GNAQ: variants seen among roughly 807,000 people sequenced by gnomAD.
GNAQ encodes guanine nucleotide-binding protein G(q) subunit alpha.
In GNAQ, 8 loss-of-function variants were observed where a neutral mutation model predicts 43.9. The observed-to-expected ratio is 0.18, with a 90% CI of 0.11 to 0.33. The LOEUF (loss-of-function observed/expected upper bound fraction) is 0.33. Ranked by LOEUF, GNAQ falls within the 10% of genes least tolerant of loss-of-function variation. GNAQ has a pLI of 1.00. For synonymous variants in GNAQ, 155 were observed against 170.7 expected, an observed-to-expected ratio of 0.91 and a Z score of 0.71; for missense variants, 158 against 450.8, an observed-to-expected ratio of 0.35 and a Z score of 5.88.
At chr9:77,926,013 TG>T (rs1301325219) in intron 1 of GNAQ, among the ~76,000 whole-genome samples, 1 of 152,226 alleles carries the variant, frequency 6.6e-6, no homozygotes, top group Non-Finnish European at 1.5e-5. Flanking sequence ...ACTGTTGTAT[TG>T]TTTTTATGGC....
intron 2 of GNAQ, among the ~76,000 whole-genome samples, chr9:77,897,299 T>C (rs893934037): frequency 1.6e-4 from 24 of 152,220 alleles, no homozygotes; most frequent in African/African-American, 5.8e-4. Context: ...GAATGTTTTG[T>C]AATAATAATG....
intron 5 of GNAQ, among the ~76,000 whole-genome samples, chr9:77,732,500 G>A (rs1825510472): frequency 2.0e-5 from 3 of 151,956 alleles, no homozygotes; most frequent in Non-Finnish European, 2.9e-5. Context: ...CTAGTGGCTG[G>A]GACTACAGGT....
At chr9:77,789,113 G>C (rs1239111185) in intron 5 of GNAQ, among the ~76,000 whole-genome samples, 1 of 152,128 alleles carries the variant, frequency 6.6e-6, no homozygotes, top group African/African-American at 2.4e-5. Flanking sequence ...CAATTGTATG[G>C]TTCTTATTTT....
At chr9:77,887,580 T>C (rs1002538632) in intron 2 of GNAQ, among the ~76,000 whole-genome samples, 5 of 152,346 alleles carry the variant, frequency 3.3e-5, no homozygotes, top group African/African-American at 1.2e-4. Flanking sequence ...CCAGATAAAC[T>C]GTGGGCATTT....
At chr9:77,957,809 A>G (rs752867486) in intron 1 of GNAQ, among the ~76,000 whole-genome samples, 7 of 152,178 alleles carry the variant, frequency 4.6e-5, no homozygotes, top group Non-Finnish European at 8.8e-5. Context: ...AAGTCTAGTC[A>G]GAAAGGGAGA....
intron 1 of GNAQ, among the ~76,000 whole-genome samples, chr9:77,940,950 C>A (rs527514122): frequency 6.7e-6 from 1 of 149,562 alleles, no homozygotes; most frequent in Non-Finnish European, 1.5e-5. Flanking sequence ...GGCGACAGAG[C>A]GAGACTCCGT....
intron 2 of GNAQ, among the ~76,000 whole-genome samples, chr9:77,853,584 G>A (rs1240574299): frequency 6.6e-6 from 1 of 151,938 alleles, no homozygotes; most frequent in East Asian, 1.9e-4. Flanking sequence ...TATCAGTAGA[G>A]GCTCAGTGAT....
At chr9:77,838,806 T>TAA (rs1246428625) in intron 2 of GNAQ, among the ~76,000 whole-genome samples, 1 of 152,090 alleles carries the variant, frequency 6.6e-6, no homozygotes, top group African/African-American at 2.4e-5. Flanking sequence ...TATATATATA[T>TAA]AAATGTATAC....
intron 5 of GNAQ, among the ~76,000 whole-genome samples, chr9:77,763,373 C>T (rs1397912890): frequency 6.6e-6 from 1 of 152,108 alleles, no homozygotes; most frequent in Non-Finnish European, 1.5e-5. Context: ...TGCCTGTAAT[C>T]CCAGCACTTT....
chr9:77,907,131 G>A (rs1476485426), intron 2 of GNAQ, among the ~76,000 whole-genome samples: 2 of 152,140 alleles, frequency 1.3e-5, no homozygotes, highest in Non-Finnish European at 2.9e-5. Context: ...CATACCAGAG[G>A]TGTTTCATAA....
chr9:77,913,871 T>C (rs918331327), intron 2 of GNAQ, among the ~76,000 whole-genome samples: 3 of 152,198 alleles, frequency 2.0e-5, no homozygotes, highest in Non-Finnish European at 2.9e-5. Context: ...AATACTGATG[T>C]TGTGTGCACT....
At chr9:77,761,399 G>A (rs1826017400) in intron 5 of GNAQ, among the ~76,000 whole-genome samples, 2 of 141,808 alleles carry the variant, frequency 1.4e-5, no homozygotes, top group South Asian at 4.6e-4. Context: ...CCCCTACTGG[G>A]AAGTGAGGAG....
At chr9:77,864,543 G>C (rs1464969522) in intron 2 of GNAQ, among the ~76,000 whole-genome samples, 3 of 152,104 alleles carry the variant, frequency 2.0e-5, no homozygotes, top group Admixed American at 1.3e-4. Flanking sequence ...AAAGTGAGAT[G>C]GACCTGATCC....
At chr9:78,005,465 C>A (rs1408083122) in intron 1 of GNAQ, among the ~76,000 whole-genome samples, 1 of 152,172 alleles carries the variant, frequency 6.6e-6, no homozygotes, top group African/African-American at 2.4e-5. Context: ...TTTGCCTTGC[C>A]TCATGTGAAG....
chr9:77,838,137 A>ATTTTT (rs574992587), intron 2 of GNAQ, among the ~76,000 whole-genome samples: 16 of 87,182 alleles, frequency 1.8e-4, no homozygotes, highest in South Asian at 3.5e-4. Context: ...GGCATTAATG[A>ATTTTT]TTTTTTTTTT....
At chr9:77,996,029 C>T (rs1823563261) in intron 1 of GNAQ, among the ~76,000 whole-genome samples, 1 of 152,148 alleles carries the variant, frequency 6.6e-6, no homozygotes. Context: ...AGGGGTGTCC[C>T]CTTATTCACA....
At chr9:77,972,334 A>G (rs1033392336) in intron 1 of GNAQ, among the ~76,000 whole-genome samples, 13 of 152,212 alleles carry the variant, frequency 8.5e-5, no homozygotes, top group Admixed American at 7.2e-4. Flanking sequence ...GGGACACAAC[A>G]GTGAGTAAAA....
chr9:77,849,648 G>T (rs1306857722), intron 2 of GNAQ, among the ~76,000 whole-genome samples: 1 of 152,120 alleles, frequency 6.6e-6, no homozygotes, highest in Non-Finnish European at 1.5e-5. Context: ...AGAGCTGGCA[G>T]GAGATGATCG....
chr9:77,787,932 A>C (rs1287871039), intron 5 of GNAQ, among the ~76,000 whole-genome samples: 1 of 152,214 alleles, frequency 6.6e-6, no homozygotes. Context: ...TGGGAGGCTG[A>C]GACAGGAGAG....
Sources: allele counts gnomAD v4.1 joint callset (sites outside exome capture counted in the v4.1 genomes callset), GRCh38; gene constraint gnomAD v4.1.1; transcripts MANE v1.5; gene names NCBI Gene and HGNC (gene_info 2026-07-23, HGNC 2026-07-21).